ROBO1: variants seen among roughly 807,000 people sequenced by gnomAD.
ROBO1 encodes the protein roundabout guidance receptor 1, also known as roundabout homolog 1.
In ROBO1, 149 loss-of-function variants were observed where a neutral mutation model predicts 195.9. That is an observed-to-expected ratio of 0.76 (90% CI 0.67 to 0.87). The LOEUF (loss-of-function observed/expected upper bound fraction) is 0.87, where lower values mean the gene tolerates loss of function less well. Ranked by LOEUF, ROBO1 falls within the 40% of genes least tolerant of loss-of-function variation. The pLI is 0.00. For synonymous variants in ROBO1, 816 were observed against 733.2 expected (o/e 1.11, Z -1.82); for missense variants, 1,933 against 2,068.3 (o/e 0.93, Z 1.27).
chr3:79,561,781 A>G (rs1942928909), intron 2 of ROBO1, among the ~76,000 whole-genome samples: 2 of 152,152 alleles, frequency 1.3e-5, no homozygotes, highest in South Asian at 4.1e-4. Context: ...GATAACTGCT[A>G]TGTTTAATAA....
intron 4 of ROBO1, among the ~76,000 whole-genome samples, chr3:78,797,313 T>C (rs1204666661): frequency 2.6e-5 from 4 of 152,230 alleles, no homozygotes; most frequent in African/African-American, 9.6e-5. Context: ...ACTATCAGAT[T>C]GCACTTGTTT....
intron 1 of ROBO1, among the ~76,000 whole-genome samples, chr3:79,635,847 A>G (rs1398934448): frequency 2.0e-5 from 3 of 152,176 alleles, no homozygotes; most frequent in Non-Finnish European, 2.9e-5. Flanking sequence ...TTCTAAGCCT[A>G]GATTCCTGTA....
rs1427917667 is a variant in ROBO1 at position 79,201,893 on chromosome 3, A to G, written c.89-76354T>C. ...CTACATCTATTGATAATTATATATT[A>G]TATAATATATAATTATTATTTATCA... On this transcript the variant is annotated intron_variant, in intron 2 of 30. Coordinates refer to ENST00000464233, the MANE Select transcript of ROBO1 (RefSeq NM_002941.4). Among the ~76,000 whole-genome samples, 3 of 149,092 alleles carry G rather than the reference A, an allele frequency of 2.0e-5. 1 individual carries two copies. Among genetic ancestry groups the G allele is most frequent in the African/African-American group, 7.3e-5 (3 of 40,986 alleles).
chr3:79,365,063 C>G (rs1486482309), intron 2 of ROBO1, among the ~76,000 whole-genome samples: 2 of 152,102 alleles, frequency 1.3e-5, no homozygotes, highest in Non-Finnish European at 2.9e-5. Context: ...CAGTTCTTCC[C>G]CTCAATTTCC....
chr3:79,473,311 A>G (rs1938382135), intron 2 of ROBO1, among the ~76,000 whole-genome samples: 1 of 152,128 alleles, frequency 6.6e-6, no homozygotes, highest in Non-Finnish European at 1.5e-5. Context: ...GGTTGCCAGC[A>G]GCCACTGGAA....
At chr3:78,607,093 C>A in intron 28 of ROBO1, 52 bp from the exon 29 acceptor site, 1 of 1,502,902 alleles carries the variant, frequency 6.7e-7, no homozygotes, top group South Asian at 1.3e-5. Flanking sequence ...CTTATAAAAT[C>A]ATCAAACATT....
intron 1 of ROBO1, among the ~76,000 whole-genome samples, chr3:79,728,647 C>T (rs1703025484): frequency 6.6e-6 from 1 of 152,042 alleles, no homozygotes; most frequent in Admixed American, 6.5e-5. Flanking sequence ...GGTGTAAAAA[C>T]TATGTACACA....
chr3:79,516,920 A>T (rs1438302488), intron 2 of ROBO1, among the ~76,000 whole-genome samples: 1 of 152,184 alleles, frequency 6.6e-6, no homozygotes, highest in Non-Finnish European at 1.5e-5. Context: ...AGGCAATACC[A>T]ATTTATACTC....
chr3:78,906,120 A>G (rs1266621684), intron 4 of ROBO1, among the ~76,000 whole-genome samples: 1 of 152,146 alleles, frequency 6.6e-6, no homozygotes, highest in Admixed American at 6.6e-5. Flanking sequence ...TCAGAATCCT[A>G]CGATTTTTCC....
At position 79,604,695 on chromosome 3, in the gene ROBO1, T is replaced by C. The variant is rs530489121; in HGVS notation, c.-50-14734A>G. Among the ~76,000 whole-genome samples, 134 of 152,140 alleles carry C rather than the reference T, an allele frequency of 8.8e-4. 1 individual carries two copies. Among genetic ancestry groups the C allele is most frequent in the African/African-American group, 3.2e-3 (131 of 41,562 alleles). On this transcript the variant is annotated intron_variant, in intron 1 of 30. Transcript: ENST00000464233. ...TATTGCTTTCTACATTCTTTGTCTT[T>C]TGCATGGCAAAATAATGCCAAAAAT...
At chr3:79,663,787 A>G (rs974385917) in intron 1 of ROBO1, among the ~76,000 whole-genome samples, 27 of 152,064 alleles carry the variant, frequency 1.8e-4, no homozygotes, top group African/African-American at 6.3e-4. Context: ...TCAAGAAACC[A>G]TAGTCTATAT....
chr3:79,686,972 A>G lies in ROBO1; in HGVS notation c.-51+80780T>C, dbSNP rs77549120. On this transcript the variant is annotated intron_variant, in intron 1 of 30. Coordinates refer to ENST00000464233, the MANE Select transcript of ROBO1 (RefSeq NM_002941.4). Reference sequence around the variant, plus strand: ...ATGCAACCTGACTTCAAACTATACTATAAGGCTACAGTAACCAAAACAGCA... The same window carrying G: ...ATGCAACCTGACTTCAAACTATACTGTAAGGCTACAGTAACCAAAACAGCA... Among the ~76,000 whole-genome samples the G allele has an allele frequency of 6.6e-4, 100 of 152,290 alleles. 4 individuals are homozygous for G. The East Asian group carries it at 0.016, about 25-fold the overall frequency.
chr3:78,877,975 T>A (rs1458616647), intron 4 of ROBO1, among the ~76,000 whole-genome samples: 2 of 152,168 alleles, frequency 1.3e-5, no homozygotes, highest in Non-Finnish European at 2.9e-5. Context: ...TGCAGGCATC[T>A]GGCTTCCGAC....
intron 4 of ROBO1, among the ~76,000 whole-genome samples, chr3:78,844,650 A>G (rs2033528487): frequency 6.6e-6 from 1 of 152,090 alleles, no homozygotes; most frequent in Non-Finnish European, 1.5e-5. Context: ...TCACCTGAAA[A>G]TACACTTGAT....
intron 4 of ROBO1, among the ~76,000 whole-genome samples, chr3:78,919,334 GTCT>G (rs1471993102): frequency 6.6e-6 from 1 of 152,094 alleles, no homozygotes; most frequent in Non-Finnish European, 1.5e-5. Flanking sequence ...GTAACTTCTT[GTCT>G]TTTTTTAACA....
intron 2 of ROBO1, among the ~76,000 whole-genome samples, chr3:79,233,281 T>C (rs2095164491): frequency 6.6e-6 from 1 of 152,072 alleles, no homozygotes; most frequent in African/African-American, 2.4e-5. Flanking sequence ...TTTCTATCTT[T>C]GGGTGAAGTG....
chr3:79,010,744 A>G (rs2077756675), intron 3 of ROBO1, among the ~76,000 whole-genome samples: 1 of 152,100 alleles, frequency 6.6e-6, no homozygotes, highest in South Asian at 2.1e-4. Flanking sequence ...TCATCACCCT[A>G]CTGAATTTAA....
chr3:78,620,277 C>G (rs1256362645), intron 26 of ROBO1, among the ~76,000 whole-genome samples: 1 of 151,686 alleles, frequency 6.6e-6, no homozygotes, highest in Non-Finnish European at 1.5e-5. Flanking sequence ...TCCCAGCACT[C>G]TGGGAGGCCA....
rs142067803 is a variant in ROBO1, at chr3:79,728,228, G to A, written c.-51+39524C>T. ...TTCCTAGTACTCCACTCTCTATGAA[G>A]TTGATATAAATGAGCAGAAATTCCT... On this transcript the variant is annotated intron_variant, in intron 1 of 30. Transcript: ENST00000464233. Among the ~76,000 whole-genome samples, 428 of 151,912 alleles carry A rather than the reference G, an allele frequency of 2.8e-3. 2 individuals are homozygous for A. The highest frequency in any genetic ancestry group is 9.6e-3 in the African/African-American group (399 of 41,458).
Sources: gnomAD v4.1 joint callset for allele counts (sites outside exome capture counted in the v4.1 genomes callset) on GRCh38, gnomAD v4.1.1 for gene constraint, MANE v1.5 for transcripts, NCBI Gene and HGNC (gene_info 2026-07-23, HGNC 2026-07-21) for gene names.